CTNND2: variants seen among roughly 807,000 people sequenced by gnomAD.
CTNND2 encodes catenin delta-2.
A neutral mutation model predicts 144.4 loss-of-function variants in CTNND2; 22 were observed. The observed-to-expected ratio is 0.15, with a 90% CI of 0.11 to 0.22. CTNND2 has a LOEUF of 0.22. Ranked by LOEUF, CTNND2 falls within the 10% of genes least tolerant of loss-of-function variation. CTNND2 has a pLI of 1.00. For missense variants in CTNND2, 1,353 were observed against 1,618.8 expected (o/e 0.84, Z 2.82); for synonymous variants, 751 against 695.6 (o/e 1.08, Z -1.25).
At chr5:11,147,961 T>C (rs1275790124) in intron 12 of CTNND2, among the ~76,000 whole-genome samples, 1 of 152,232 alleles carries the variant, frequency 6.6e-6, no homozygotes, top group East Asian at 1.9e-4. Context: ...AAATGTGCTA[T>C]ATCCATGCAG....
intron 3 of CTNND2, among the ~76,000 whole-genome samples, chr5:11,439,843 AT>A (rs202002910): frequency 7.5e-5 from 11 of 146,318 alleles, no homozygotes; most frequent in East Asian, 2.0e-4. Flanking sequence ...ATATATATTT[AT>A]TTTTTTTTTA....
chr5:11,860,562 A>G (rs962645282), intron 1 of CTNND2, among the ~76,000 whole-genome samples: 77 of 152,192 alleles, frequency 5.1e-4, no homozygotes, highest in Non-Finnish European at 5.3e-4. Flanking sequence ...AAATAGGAAA[A>G]ATTTAAAATA....
intron 2 of CTNND2, among the ~76,000 whole-genome samples, chr5:11,719,380 C>T (rs1158182807): frequency 6.6e-6 from 1 of 152,186 alleles, no homozygotes; most frequent in Non-Finnish European, 1.5e-5. Flanking sequence ...TACTGAGTGA[C>T]TTTCCCCCTA....
At chr5:11,735,155 T>C (rs572585603) in intron 1 of CTNND2, among the ~76,000 whole-genome samples, 65 of 152,200 alleles carry the variant, frequency 4.3e-4, no homozygotes, top group Non-Finnish European at 7.9e-4. Flanking sequence ...GATTAAAGTA[T>C]TGAAGGTGAT....
At chr5:10,974,696 T>G (rs1215036524) in intron 21 of CTNND2, among the ~76,000 whole-genome samples, 1 of 152,208 alleles carries the variant, frequency 6.6e-6, no homozygotes, top group Non-Finnish European at 1.5e-5. Context: ...TTAAACACTC[T>G]TAAAGAAATA....
At chr5:11,822,750 AAGACCTG>A (rs2126944480) in intron 1 of CTNND2, among the ~76,000 whole-genome samples, 1 of 152,218 alleles carries the variant, frequency 6.6e-6, no homozygotes, top group African/African-American at 2.4e-5. Flanking sequence ...TTAGGATATA[AAGACCTG>A]AGTCCAACAA....
chr5:11,354,448 G>A (rs560855114), intron 8 of CTNND2, among the ~76,000 whole-genome samples: 1 of 152,276 alleles, frequency 6.6e-6, no homozygotes, highest in Admixed American at 6.5e-5. Flanking sequence ...GAACCTGGTG[G>A]ATTTAAAACC....
chr5:11,083,117 G>A (rs1264745490), intron 15 of CTNND2, among the ~76,000 whole-genome samples: 1 of 152,210 alleles, frequency 6.6e-6, no homozygotes, highest in African/African-American at 2.4e-5. Flanking sequence ...GAAGTTGAAA[G>A]CCATTTGCGT....
chr5:11,559,291 A>T (rs1416228301), intron 3 of CTNND2, among the ~76,000 whole-genome samples: 6 of 152,022 alleles, frequency 3.9e-5, no homozygotes, highest in African/African-American at 9.7e-5. Flanking sequence ...GGAATCAGAG[A>T]CGTTGACTTA....
intron 7 of CTNND2, among the ~76,000 whole-genome samples, chr5:11,376,491 A>G (rs1757962105): frequency 6.6e-6 from 1 of 152,170 alleles, no homozygotes; most frequent in Admixed American, 6.5e-5. Context: ...AGAAAAATCC[A>G]GTGACAGCTT....
At chr5:11,687,182 C>A (rs550555806) in intron 2 of CTNND2, among the ~76,000 whole-genome samples, 1 of 152,152 alleles carries the variant, frequency 6.6e-6, no homozygotes, top group Admixed American at 6.5e-5. Context: ...ATTCTTCATG[C>A]GATTTCCGGA....
intron 11 of CTNND2, among the ~76,000 whole-genome samples, chr5:11,194,013 G>A (rs548993020): frequency 6.6e-6 from 1 of 152,248 alleles, no homozygotes; most frequent in Admixed American, 6.5e-5. Flanking sequence ...ACTCATACAG[G>A]ACAGAAGATG....
rs149345062 is a variant in CTNND2 at position 11,176,778 on chromosome 5, G to T, written c.1976-17019C>A. ...AAAAATCCAACCATAACCTGACTGT[G>T]CTCACCCCCTCTGTTTATCTCAACT... On this transcript the variant is annotated intron_variant, in intron 11 of 21. Coordinates refer to ENST00000304623, the MANE Select transcript of CTNND2 (RefSeq NM_001332.4). 2.0e-4 allele frequency among the ~76,000 whole-genome samples: 30 copies of T among 152,168 alleles called. No homozygotes were observed. In the East Asian group the frequency reaches 5.6e-3, roughly 28 times the overall value.
chr5:11,680,929 A>C (rs923027566), intron 2 of CTNND2, among the ~76,000 whole-genome samples: 3 of 152,206 alleles, frequency 2.0e-5, no homozygotes, highest in African/African-American at 2.4e-5. Context: ...GTGGAGAGAA[A>C]GCCACACACT....
intron 1 of CTNND2, among the ~76,000 whole-genome samples, chr5:11,792,616 G>A (rs1328508218): frequency 1.3e-5 from 2 of 152,314 alleles, no homozygotes; most frequent in South Asian, 2.1e-4. Flanking sequence ...CATCAAGGCC[G>A]ATGAATTGAG....
chr5:11,275,468 GC>G (rs1746431962), intron 9 of CTNND2, among the ~76,000 whole-genome samples: 2 of 152,190 alleles, frequency 1.3e-5, no homozygotes, highest in South Asian at 4.1e-4. Context: ...TTCAAATTCT[GC>G]CCCGTGGATT....
intron 2 of CTNND2, among the ~76,000 whole-genome samples, chr5:11,704,283 C>G (rs1015826770): frequency 5.3e-5 from 8 of 152,230 alleles, no homozygotes; most frequent in African/African-American, 1.7e-4. Context: ...GGCTGACATT[C>G]ACTACAGGAA....
chr5:11,137,518 C>T (rs1464980099), intron 12 of CTNND2, among the ~76,000 whole-genome samples: 1 of 152,124 alleles, frequency 6.6e-6, no homozygotes, highest in Admixed American at 6.6e-5. Flanking sequence ...ATACTCTAAG[C>T]CTTGGTTTAC....
chr5:11,432,115 T>C (rs1763347837), intron 3 of CTNND2, among the ~76,000 whole-genome samples: 1 of 146,026 alleles, frequency 6.8e-6, no homozygotes, highest in African/African-American at 2.7e-5. Context: ...TTTTCTGAGG[T>C]TGAGGCTTTT....
Sources: allele counts gnomAD v4.1 joint callset (sites outside exome capture counted in the v4.1 genomes callset), GRCh38; gene constraint gnomAD v4.1.1; transcripts MANE v1.5; gene names NCBI Gene and HGNC (gene_info 2026-07-23, HGNC 2026-07-21).